SLCO4A1: variants seen among roughly 807,000 people sequenced by gnomAD.
The protein encoded by SLCO4A1 is colon organic anion transporter.
SLCO4A1 carries 51 observed loss-of-function variants against 64.6 expected under a neutral mutation model. That is an observed-to-expected ratio of 0.79 (90% CI 0.63 to 1.00). The LOEUF (loss-of-function observed/expected upper bound fraction) is 1.00, where lower values mean the gene tolerates loss of function less well. Among genes scored for constraint, SLCO4A1 ranks in the 50% least tolerant of loss-of-function variants. The pLI, the probability that SLCO4A1 is intolerant of heterozygous loss-of-function variation, is 0.00. For missense variants in SLCO4A1, 919 were observed against 980.5 expected, an observed-to-expected ratio of 0.94 and a Z score of 0.84; for synonymous variants, 471 against 444.9, an observed-to-expected ratio of 1.06 and a Z score of -0.74.
chr20:62,653,100 C>T (rs1411436848), intron 1 of SLCO4A1, among the ~76,000 whole-genome samples: 5 of 152,254 alleles, frequency 3.3e-5, no homozygotes, highest in African/African-American at 1.2e-4. Context: ...CGGGTGTTAG[C>T]ACCCTGCCAC....
At chr20:62,686,298 GCTGAGAAGTGACAGGCAC>G, downstream of SLCO4A1, among the ~76,000 whole-genome samples, 1 of 152,350 alleles carries the variant, frequency 6.6e-6, no homozygotes, top group East Asian at 1.9e-4. Flanking sequence ...CCTCCCCCCA[GCTGAGAAGTGACAGGCAC>G]TTCCCTGTTT....
Position 62,681,626 on chromosome 20 carries a change from CTG to C in SLCO4A1, n.212-3812_212-3811del, listed in dbSNP as rs371427071. Among the ~76,000 whole-genome samples, 394 of 152,280 alleles carry C rather than the reference CTG, an allele frequency of 2.6e-3. 1 individual carries two copies. The highest frequency in any genetic ancestry group is 8.4e-3 in the African/African-American group (348 of 41,554). Reference sequence around the variant, plus strand: ...TCTTCTGTGCAGGTTCTTGTATTGACTGTGCTCGAATATCCATGTACGGGCTT... The same window carrying C: ...TCTTCTGTGCAGGTTCTTGTATTGACTGCTCGAATATCCATGTACGGGCTT... On this transcript the variant is annotated intron_variant and non_coding_transcript_variant, in intron 2 of 2. Coordinates refer to the SLCO4A1 transcript ENST00000466818.
intron 10 of SLCO4A1, among the ~76,000 whole-genome samples, 155 bp from the exon 11 acceptor site, chr20:62,668,771 CAAAG>C (rs1347403910): frequency 6.6e-6 from 1 of 152,184 alleles, no homozygotes; most frequent in East Asian, 1.9e-4. Flanking sequence ...GCCGAATGCC[CAAAG>C]AAAGGAACGT....
Position 62,645,773 on chromosome 20 carries a change from C to T in SLCO4A1, c.-97+3220C>T, listed in dbSNP as rs1045394621. On this transcript the variant is annotated intron_variant, in intron 1 of 11. Coordinates refer to ENST00000217159, the MANE Select transcript of SLCO4A1 (RefSeq NM_016354.4). This position sits in a 1 kb window ranked among gnomAD's most constrained non-coding sequence, Gnocchi z 4.2. ...GTGCCAGAGAGCCCAGATTCCTCTC[C>T]CTCCCACGCGCAGCCAGGCCCTTCC... Among the ~76,000 whole-genome samples the T allele has an allele frequency of 1.3e-5, 2 of 151,948 alleles. No homozygotes were observed. Among genetic ancestry groups the T allele is most frequent in the Non-Finnish European group, 2.9e-5 (2 of 67,988 alleles).
chr20:62,661,040 C>CCCCCCCCCCCCCCCACACA lies in SLCO4A1; in HGVS notation c.1010-23_1010-22insCCCCCCCCCCCCCACACAC. 7.2e-7 allele frequency: 1 copy of CCCCCCCCCCCCCCCACACA among 1,395,918 alleles called. No individual in the cohort carries two copies. Among genetic ancestry groups the CCCCCCCCCCCCCCCACACA allele is most frequent in the Non-Finnish European group, 1.0e-6 (1 of 984,522 alleles). The allele number at this position is 1,395,918 out of a possible 1,614,324, so 86.5% of individuals were successfully genotyped here. On this transcript the variant is annotated intron_variant, in intron 4 of 11. Transcript: ENST00000217159. This position sits in a 1 kb window ranked among gnomAD's most constrained non-coding sequence, Gnocchi z 5.2. ...CTCCGGGAGCCCCCAGCCCCCAGCC[C>CCCCCCCCCCCCCCCACACA]CAGCTCACTCTGTGCCCTTCCAGGC...
At chr20:62,667,712 G>C (rs1474126659) in intron 7 of SLCO4A1, 33 bp from the exon 8 acceptor site, 1 of 1,590,750 alleles carries the variant, frequency 6.3e-7, no homozygotes, top group Admixed American at 1.7e-5. Flanking sequence ...GCTCTGGCCT[G>C]GACCCTACCA....
At chr20:62,660,347 T>C in intron 3 of SLCO4A1, 65 bp from the exon 4 acceptor site, 1 of 1,562,668 alleles carries the variant, frequency 6.4e-7, no homozygotes, top group Non-Finnish European at 8.7e-7. Flanking sequence ...CAGCCCCCAG[T>C]GTGTGTGCCA....
chr20:62,686,513 A>G (rs373778334), downstream of SLCO4A1, among the ~76,000 whole-genome samples: 20 of 152,290 alleles, frequency 1.3e-4, no homozygotes, highest in South Asian at 4.1e-3. Context: ...GCAGCTGCCT[A>G]AAGAGCAGGC....
At chr20:62,670,731 G>A (rs934560896) in intron 11 of SLCO4A1, among the ~76,000 whole-genome samples, 5 of 152,248 alleles carry the variant, frequency 3.3e-5, no homozygotes, top group Admixed American at 1.3e-4. Flanking sequence ...AGCACAGCCA[G>A]CGGGAGCCGT....
intron 5 of SLCO4A1, among the ~76,000 whole-genome samples, chr20:62,662,767 C>G (rs1190507545): frequency 1.4e-5 from 2 of 147,700 alleles, no homozygotes; most frequent in Admixed American, 1.3e-4. Flanking sequence ...CCAGGACCCC[C>G]CCAGGGTGCC....
At chr20:62,671,677 G>A in intron 11 of SLCO4A1, 73 bp from the exon 12 acceptor site, 2 of 1,448,282 alleles carry the variant, frequency 1.4e-6, no homozygotes, top group East Asian at 2.3e-5. Context: ...GGACAGGACT[G>A]GGACAGGCCC....
chr20:62,661,041 C>CCCCCCCCCCCCCCCCACACAA lies in SLCO4A1; in HGVS notation c.1010-23_1010-22insCCCCCCCCCCCCCCCACACAA. ...TCCGGGAGCCCCCAGCCCCCAGCCC[C>CCCCCCCCCCCCCCCCACACAA]AGCTCACTCTGTGCCCTTCCAGGCT... is the stretch of plus-strand genomic sequence containing the variant. On this transcript the variant is annotated intron_variant, in intron 4 of 11. Coordinates refer to ENST00000217159, the MANE Select transcript of SLCO4A1 (RefSeq NM_016354.4). The surrounding 1 kb of genome is among the most constrained non-coding windows in gnomAD (Gnocchi z 5.2). 7.0e-7 allele frequency: 1 copy of CCCCCCCCCCCCCCCCACACAA among 1,424,144 alleles called. No individual in the cohort carries two copies. The highest frequency in any genetic ancestry group is 9.9e-7 in the Non-Finnish European group (1 of 1,010,142). 88.2% of individuals were successfully genotyped at this position (1,424,144 alleles called of 1,614,324 possible).
intron 3 of SLCO4A1, among the ~76,000 whole-genome samples, chr20:62,659,216 T>C (rs1569132563): frequency 6.6e-6 from 1 of 151,634 alleles, no homozygotes; most frequent in African/African-American, 2.4e-5. Context: ...CAGATGGAGA[T>C]AGAGATACAG....
chr20:62,643,050 C>T (rs1980679743), intron 1 of SLCO4A1: 1 of 469,934 alleles, frequency 2.1e-6, no homozygotes, highest in East Asian at 7.0e-5. Flanking sequence ...AGGAGGAAAC[C>T]TTCATGCACG....
At position 62,657,270 on chromosome 20, in the gene SLCO4A1, T is replaced by A; in HGVS notation, c.796+20T>A. 2 of 1,500,904 alleles carry A rather than the reference T, an allele frequency of 1.3e-6. No individual in the cohort carries two copies. Among genetic ancestry groups the A allele is most frequent in the Non-Finnish European group, 1.8e-6 (2 of 1,116,880 alleles). The allele number at this position is 1,500,904 out of a possible 1,614,324, so 93.0% of individuals were successfully genotyped here. ...ACATTGGTGAGTGGGGCTGGCGGGGTAAGTGCTGGCAGGGGTGGCTGAGGG... is the reference window on the plus strand; with the variant it reads ...ACATTGGTGAGTGGGGCTGGCGGGGAAAGTGCTGGCAGGGGTGGCTGAGGG... On this transcript the variant is annotated intron_variant, in intron 2 of 11. Coordinates refer to ENST00000217159, the MANE Select transcript of SLCO4A1 (RefSeq NM_016354.4).
At chr20:62,674,764 G>A (rs1417056486), downstream of SLCO4A1, among the ~76,000 whole-genome samples, 5 of 152,192 alleles carry the variant, frequency 3.3e-5, no homozygotes, top group African/African-American at 9.7e-5. Flanking sequence ...GAGGGGGTGA[G>A]GGTGGCCCCC....
Position 62,667,868 on chromosome 20 carries a change from A to G in SLCO4A1, c.1596A>G (p.Ala532=). 2 of 1,613,810 alleles carry G rather than the reference A, an allele frequency of 1.2e-6. No homozygotes were observed. The highest frequency in any genetic ancestry group is 1.7e-6 in the Non-Finnish European group (2 of 1,180,034). ...DGLMYFSLCH[A]GCPAATETNV... The stretch of plus-strand genomic sequence containing the variant: ...TCATGTACTTCTCACTGTGCCACGC[A>G]GGGTGCCCTGCAGCCACGGAGACGA... Residue 532 remains alanine, a synonymous_variant, in exon 8 of 12, where the codon GCA becomes GCG. Transcript: ENST00000217159.
At chr20:62,676,984 T>C (rs536812174), downstream of SLCO4A1, among the ~76,000 whole-genome samples, 164 of 152,368 alleles carry the variant, frequency 1.1e-3, no homozygotes, top group Non-Finnish European at 1.8e-3. Context: ...AGCCCTGCGC[T>C]ATGGTGTGCA....
intron 2 of SLCO4A1, among the ~76,000 whole-genome samples, chr20:62,677,984 A>G: frequency 6.6e-6 from 1 of 152,226 alleles, no homozygotes; most frequent in Non-Finnish European, 1.5e-5. Flanking sequence ...TTGGGAAGGA[A>G]AGAAGTAAGG....
Sources: gnomAD v4.1 joint callset for allele counts (sites outside exome capture counted in the v4.1 genomes callset) on GRCh38, gnomAD v4.1.1 for gene constraint, Gnocchi (gnomAD v3.1) non-coding constraint, MANE v1.5 for transcripts, NCBI Gene and HGNC (gene_info 2026-07-23, HGNC 2026-07-21) for gene names.